Variants in PITPNC1 observed in about 807,000 individuals in gnomAD.
PITPNC1 encodes phosphatidylinositol transfer protein cytoplasmic 1, also known as cytoplasmic phosphatidylinositol transfer protein 1.
PITPNC1 carries 18 observed loss-of-function variants against 44.7 expected under a neutral mutation model. That is an observed-to-expected ratio of 0.40 (90% confidence interval 0.28 to 0.60). The LOEUF is 0.60. Among genes scored for constraint, PITPNC1 ranks in the 20% least tolerant of loss-of-function variants. The probability of loss-of-function intolerance (pLI) is 0.39; values close to 1 mark genes in which losing one functional copy is unlikely to be tolerated. For synonymous variants in PITPNC1, 141 were observed against 149.6 expected (o/e 0.94, Z 0.42); for missense variants, 290 against 418.4 (o/e 0.69, Z 2.68).
chr17:67,504,663 G>A (rs1324110068), intron 1 of PITPNC1, among the ~76,000 whole-genome samples: 1 of 152,128 alleles, frequency 6.6e-6, no homozygotes, highest in Admixed American at 6.5e-5. Context: ...TTTAGCTAAA[G>A]TTTTGTCAAT....
At chr17:67,688,749 A>G (rs1014399076) in intron 8 of PITPNC1, among the ~76,000 whole-genome samples, 2 of 152,208 alleles carry the variant, frequency 1.3e-5, no homozygotes, top group African/African-American at 4.8e-5. Context: ...CCACTCTGAA[A>G]GCCATTCACT....
intron 1 of PITPNC1, among the ~76,000 whole-genome samples, chr17:67,481,549 G>C (rs1043332077): frequency 3.3e-5 from 5 of 152,054 alleles, no homozygotes; most frequent in African/African-American, 1.2e-4. Flanking sequence ...TTGTTGCCCA[G>C]GTAGGTCTTG....
At chr17:67,680,114 A>G (rs1420351201) in intron 8 of PITPNC1, among the ~76,000 whole-genome samples, 7 of 152,146 alleles carry the variant, frequency 4.6e-5, no homozygotes, top group Non-Finnish European at 1.0e-4. Flanking sequence ...AAATGGAGAA[A>G]GAAGCCTGCT....
chr17:67,682,850 T>G (rs2042736273), intron 8 of PITPNC1, among the ~76,000 whole-genome samples: 1 of 152,158 alleles, frequency 6.6e-6, no homozygotes, highest in South Asian at 2.1e-4. Flanking sequence ...GCAAAGTAAT[T>G]GACATGGGCT....
intron 1 of PITPNC1, among the ~76,000 whole-genome samples, chr17:67,392,633 AAAAACAAT>A: frequency 6.6e-6 from 1 of 152,304 alleles, no homozygotes; most frequent in African/African-American, 2.4e-5. Flanking sequence ...CAGGAATGTT[AAAAACAAT>A]GAAAAAAAGC....
At chr17:67,611,915 T>C (rs1054983852) in intron 5 of PITPNC1, 1 of 152,242 alleles carries the variant, frequency 6.6e-6, no homozygotes, top group Non-Finnish European at 1.5e-5. Context: ...GACCTCCTAA[T>C]TTAACGAAAG....
At chr17:67,642,667 G>C (rs1209817161) in intron 6 of PITPNC1, among the ~76,000 whole-genome samples, 1 of 152,126 alleles carries the variant, frequency 6.6e-6, no homozygotes, top group Non-Finnish European at 1.5e-5. Context: ...ACCCGGGAAA[G>C]ATAAGACGCC....
At chr17:67,393,190 A>C (rs1322329034) in intron 1 of PITPNC1, among the ~76,000 whole-genome samples, 1 of 152,126 alleles carries the variant, frequency 6.6e-6, no homozygotes, top group East Asian at 1.9e-4. Context: ...TGCCATCTTA[A>C]AACTTTTCGA....
chr17:67,609,606 G>A (rs1311667622), intron 5 of PITPNC1, among the ~76,000 whole-genome samples: 1 of 151,870 alleles, frequency 6.6e-6, no homozygotes, highest in African/African-American at 2.4e-5. Context: ...GTTCTTCTAA[G>A]CACTGGAGAA....
rs568654327 is a variant in PITPNC1, at chr17:67,608,615, C to T, written c.367-23528C>T. Among the ~76,000 whole-genome samples, 7 of 151,610 alleles carry T rather than the reference C, an allele frequency of 4.6e-5. No homozygotes were observed. The South Asian group carries it at 6.3e-4, about 14-fold the overall frequency. ...CAGCAATCCTCCCACCTCAGCCTCC[C>T]GAGCAGCTGGGACTACAGGCATGCA... On this transcript the variant is annotated intron_variant, in intron 5 of 8. Transcript: ENST00000581322.
chr17:67,570,888 G>A (rs2041046542), intron 4 of PITPNC1, among the ~76,000 whole-genome samples: 1 of 151,726 alleles, frequency 6.6e-6, no homozygotes, highest in Admixed American at 6.6e-5. Flanking sequence ...TCAGTTACTA[G>A]TAAATATCAC....
intron 8 of PITPNC1, among the ~76,000 whole-genome samples, chr17:67,681,732 A>G (rs1598987219): frequency 6.6e-6 from 1 of 152,132 alleles, no homozygotes; most frequent in East Asian, 1.9e-4. Context: ...CAAGAACCGT[A>G]ATGAGAAAAA....
intron 1 of PITPNC1, among the ~76,000 whole-genome samples, chr17:67,470,600 G>A (rs1179332830): frequency 1.3e-5 from 2 of 151,982 alleles, no homozygotes; most frequent in African/African-American, 4.8e-5. Flanking sequence ...CCCCCTGCCC[G>A]GCCAGCCGCC....
intron 1 of PITPNC1, among the ~76,000 whole-genome samples, chr17:67,382,673 G>A (rs1480018238): frequency 6.6e-6 from 1 of 152,134 alleles, no homozygotes; most frequent in Non-Finnish European, 1.5e-5. Flanking sequence ...CGCCCAGGCT[G>A]GAGTGCAGTG....
intron 1 of PITPNC1, among the ~76,000 whole-genome samples, chr17:67,462,247 T>C (rs1224895433): frequency 2.7e-5 from 4 of 145,486 alleles, no homozygotes; most frequent in East Asian, 2.0e-4. Context: ...TTTTTTTTTT[T>C]CTGAGACAGG....
chr17:67,600,191 C>T (rs1265862744), intron 5 of PITPNC1, among the ~76,000 whole-genome samples: 1 of 152,038 alleles, frequency 6.6e-6, no homozygotes, highest in Non-Finnish European at 1.5e-5. Context: ...AGTAGTTCTG[C>T]TCTTAGAAGG....
intron 8 of PITPNC1, among the ~76,000 whole-genome samples, chr17:67,678,407 CA>C (rs1362546810): frequency 6.6e-6 from 1 of 152,116 alleles, no homozygotes; most frequent in Non-Finnish European, 1.5e-5. Context: ...CTTATCTGAG[CA>C]CAAAACAACA....
intron 6 of PITPNC1, among the ~76,000 whole-genome samples, chr17:67,633,052 T>C (rs2041990691): frequency 6.6e-6 from 1 of 152,230 alleles, no homozygotes; most frequent in East Asian, 1.9e-4. Context: ...TTCTACCTTC[T>C]TGTTATACGG....
rs142597368 is a variant in PITPNC1 at position 67,587,130 on chromosome 17, C to T, written c.366+8873C>T. Among the ~76,000 whole-genome samples, 1,366 of 152,054 alleles carry T rather than the reference C, an allele frequency of 9.0e-3. 85 individuals carry two copies. Among genetic ancestry groups the T allele is most frequent in the Admixed American group, 0.077 (1,170 of 15,240 alleles). On this transcript the variant is annotated intron_variant, in intron 5 of 8. Transcript: ENST00000581322. ...CAGGTTCTGAGAAGAAAAGCAAGAG[C>T]GCCATTTAGTCATGATGACTTTCAG... is the stretch of plus-strand genomic sequence containing the variant.
Sources: gnomAD v4.1 joint callset for allele counts (sites outside exome capture counted in the v4.1 genomes callset) on GRCh38, gnomAD v4.1.1 for gene constraint, MANE v1.5 for transcripts, NCBI Gene and HGNC (gene_info 2026-07-23, HGNC 2026-07-21) for gene names.